SLC36A3: variants seen among roughly 807,000 people sequenced by gnomAD.
The protein encoded by SLC36A3 is proton-coupled amino acid transporter 3.
In SLC36A3, 35 loss-of-function variants were observed where a neutral mutation model predicts 44.3. The observed-to-expected ratio is 0.79, with a 90% CI of 0.60 to 1.05. The LOEUF (loss-of-function observed/expected upper bound fraction) is 1.05, where lower values mean the gene tolerates loss of function less well. Among genes scored for constraint, SLC36A3 ranks in the 50% least tolerant of loss-of-function variants. The pLI is 0.00. For synonymous variants in SLC36A3, 211 were observed against 227.6 expected, an observed-to-expected ratio of 0.93 and a Z score of 0.66; for missense variants, 540 against 578.7, an observed-to-expected ratio of 0.93 and a Z score of 0.69.
intron 3 of SLC36A3, among the ~76,000 whole-genome samples, chr5:151,294,488 A>T (rs1754886891): frequency 1.3e-5 from 2 of 152,158 alleles, no homozygotes; most frequent in Admixed American, 1.3e-4. Context: ...TGTAAAAGGG[A>T]TTGCTCAGGA....
chr5:151,299,264 CTATATATATATATATA>C (rs66776978), intron 1 of SLC36A3, among the ~76,000 whole-genome samples: 39 of 59,646 alleles, frequency 6.5e-4, no homozygotes, highest in Non-Finnish European at 9.7e-4. Context: ...CTCTCTCTCT[CTATATATATATATATA>C]TATATATATA....
rs531126003 is a variant in SLC36A3, at chr5:151,283,328, GCT to G, written c.974+714_974+715del. On this transcript the variant is annotated intron_variant, in intron 8 of 9. Transcript: ENST00000335230. ...TATTGGGAAGGGATATTTGTTTAAG[GCT>G]TTCCTGGAGAACCTGATGACTAGTG... Among the ~76,000 whole-genome samples the G allele has an allele frequency of 2.4e-4, 36 of 152,208 alleles. No homozygotes were observed. The South Asian group carries it at 7.3e-3, about 31-fold the overall frequency.
rs118149437 is a variant in SLC36A3, at chr5:151,295,296, C to T, written c.308+884G>A. Among the ~76,000 whole-genome samples the T allele has an allele frequency of 5.2e-3, 792 of 152,258 alleles. 31 individuals carry two copies. In the East Asian group the frequency reaches 0.077, roughly 15 times the overall value. On this transcript the variant is annotated intron_variant, in intron 3 of 9. Transcript: ENST00000335230. ...CTGTAAAATGGGAATAAAAATAGTG[C>T]CTATCATAGACTTACTGTGAGGAGT...
At chr5:151,298,518 G>T (rs1028088555) in intron 2 of SLC36A3, 75 bp downstream of exon 2, 1 of 1,437,194 alleles carries the variant, frequency 7.0e-7, no homozygotes, top group Non-Finnish European at 9.7e-7. Context: ...TGATAACAGT[G>T]TGAAGGCCTT....
chr5:151,287,275 T>A lies in SLC36A3; in HGVS notation c.679A>T (p.Met227Leu). The A allele has an allele frequency of 6.2e-7, 1 of 1,614,160 alleles. No individual in the cohort carries two copies. Among genetic ancestry groups the A allele is most frequent in the South Asian group, 1.1e-5 (1 of 91,074 alleles). The change falls in exon 6 of 10, where the codon ATG becomes TTG. Residue 227 changes from methionine to leucine, a missense_variant. Met to Leu is a conservative substitution (Grantham distance 15). Transcript: ENST00000335230. ...TLANITTLGSMALIFEYIMEG... is the reference protein window; with the variant it reads ...TLANITTLGSLALIFEYIMEG... ...ATGATATACTCAAAGATCAGAGCCA[T>A]GCTCCCAAGGGTGGTGATGTTGGCC...
chr5:151,287,089 G>A (rs1754563729), intron 6 of SLC36A3, among the ~76,000 whole-genome samples, 157 bp downstream of exon 6: 1 of 152,194 alleles, frequency 6.6e-6, no homozygotes, highest in African/African-American at 2.4e-5. Flanking sequence ...TTTACAACTT[G>A]TGGGACAGAA....
intron 1 of SLC36A3, among the ~76,000 whole-genome samples, chr5:151,301,689 C>A (rs1580829733): frequency 6.6e-6 from 1 of 151,118 alleles, no homozygotes; most frequent in Middle Eastern, 3.4e-3. Flanking sequence ...TGAGATCGCG[C>A]CACTGCACTC....
intron 7 of SLC36A3, 149 bp downstream of exon 7, chr5:151,284,464 C>A: frequency 1.4e-6 from 1 of 689,978 alleles, no homozygotes; most frequent in Non-Finnish European, 2.4e-6. Flanking sequence ...GCAGTAGGGA[C>A]CCTGTATGTG....
At chr5:151,281,782 C>T (rs1280526589) in intron 8 of SLC36A3, among the ~76,000 whole-genome samples, 2 of 152,046 alleles carry the variant, frequency 1.3e-5, no homozygotes, top group East Asian at 1.9e-4. Context: ...TGCACCACTG[C>T]ACTCACTCCA....
chr5:151,302,360 T>A (rs995674886), intron 1 of SLC36A3, among the ~76,000 whole-genome samples: 1 of 152,212 alleles, frequency 6.6e-6, no homozygotes, highest in Non-Finnish European at 1.5e-5. Context: ...GATTACCAGA[T>A]AGCAGTGTGA....
At chr5:151,282,947 T>G (rs10476971) in intron 8 of SLC36A3, among the ~76,000 whole-genome samples, 1 of 151,578 alleles carries the variant, frequency 6.6e-6, no homozygotes, top group African/African-American at 2.4e-5. Context: ...TGCAATGGCG[T>G]GATCTCGGCT....
chr5:151,279,910 C>A (rs1375327610), intron 9 of SLC36A3, among the ~76,000 whole-genome samples: 2 of 152,198 alleles, frequency 1.3e-5, no homozygotes, highest in African/African-American at 4.8e-5. Flanking sequence ...AATAATCCCA[C>A]AGGTGTTTAA....
intron 1 of SLC36A3, among the ~76,000 whole-genome samples, chr5:151,299,264 C>CTCTCTCTCTATATATATATA (rs1372309288): frequency 9.2e-4 from 55 of 59,636 alleles, no homozygotes; most frequent in Non-Finnish European, 1.3e-3. Flanking sequence ...CTCTCTCTCT[C>CTCTCTCTCTATATATATATA]TATATATATA....
intron 2 of SLC36A3, chr5:151,298,354 A>G (rs1258871906): frequency 4.2e-6 from 2 of 474,052 alleles, no homozygotes; most frequent in East Asian, 7.1e-5. Flanking sequence ...TGCGGGGAGA[A>G]TTGTGGCAAA....
rs766267658 is a variant in SLC36A3, at chr5:151,281,005, G to T, written c.1144+9C>A. ...CTTTGGGTAAAGAGTGCCCTTTTAT[G>T]CTACTCACAGGTTAGACAGACCAAG... On this transcript the variant is annotated intron_variant, in intron 9 of 9. Coordinates refer to ENST00000335230, the MANE Select transcript of SLC36A3 (RefSeq NM_181774.4). 13 of 1,613,872 alleles carry T rather than the reference G, an allele frequency of 8.1e-6. No homozygotes were observed. In the Admixed American group the frequency reaches 2.0e-4, roughly 25 times the overall value.
chr5:151,279,478 A>G (rs1580801595), intron 9 of SLC36A3, among the ~76,000 whole-genome samples: 1 of 152,214 alleles, frequency 6.6e-6, no homozygotes, highest in African/African-American at 2.4e-5. Context: ...GGTAAAGGGT[A>G]ATAGAATTGA....
chr5:151,293,520 T>C (rs1260517588), intron 3 of SLC36A3, 61 bp from the exon 4 acceptor site: 13 of 1,365,588 alleles, frequency 9.5e-6, no homozygotes, highest in African/African-American at 1.4e-5. Context: ...TACAGTTTTC[T>C]CCCAAAGTGA....
Position 151,277,552 on chromosome 5 carries a change from G to T in SLC36A3, c.1254C>A (p.Ile418=). 6.2e-7 allele frequency: 1 copy of T among 1,614,216 alleles called. No individual in the cohort carries two copies. Residue 418 remains isoleucine (I), a synonymous_variant, in exon 10 of 10, where the codon ATC becomes ATA. Coordinates refer to ENST00000335230, the MANE Select transcript of SLC36A3 (RefSeq NM_181774.4). The part of the protein sequence containing the change: ...LIIPALLEIV[I]FYSEDMSCVT... ...CACAGCTCATGTCCTCAGAGTAAAA[G>T]ATGACGATCTCCAGGAGGGCTGGGA... is the stretch of plus-strand genomic sequence containing the variant.
At position 151,284,593 on chromosome 5, in the gene SLC36A3, G is replaced by C; in HGVS notation, c.807+20C>G. 6.3e-7 allele frequency: 1 copy of C among 1,586,890 alleles called. No individual in the cohort carries two copies. Among genetic ancestry groups the C allele is most frequent in the Non-Finnish European group, 8.6e-7 (1 of 1,160,962 alleles). On this transcript the variant is annotated intron_variant, in intron 7 of 9. Coordinates refer to ENST00000335230, the MANE Select transcript of SLC36A3 (RefSeq NM_181774.4). ...GTAGAGGGCGCTAGGGACCATTCGCGTGAACCCCATCAATCTTACCATACC... is the reference window on the plus strand; with the variant it reads ...GTAGAGGGCGCTAGGGACCATTCGCCTGAACCCCATCAATCTTACCATACC...
Sources: gnomAD v4.1 joint callset for allele counts (sites outside exome capture counted in the v4.1 genomes callset) on GRCh38, gnomAD v4.1.1 for gene constraint, MANE v1.5 for transcripts, NCBI Gene and HGNC (gene_info 2026-07-23, HGNC 2026-07-21) for gene names.